Variants in OPRM1 observed in about 807,000 individuals in gnomAD.
OPRM1 encodes the protein mu-type opioid receptor.
Under a neutral mutation model 31.8 loss-of-function variants are expected in OPRM1, and 27 were observed. That is an observed-to-expected ratio of 0.85 (90% CI 0.63 to 1.17). OPRM1 has a LOEUF of 1.17. Among genes scored for constraint, OPRM1 ranks in the 50% most tolerant of loss-of-function variants. The pLI is 0.00. For missense variants in OPRM1, 536 were observed against 511.1 expected (o/e 1.05, Z -0.47); for synonymous variants, 196 against 189.9 (o/e 1.03, Z -0.26).
intron 3 of OPRM1, chr6:154,158,952 C>T (rs777722230): frequency 3.3e-4 from 50 of 151,972 alleles, no homozygotes; most frequent in Non-Finnish European, 4.7e-4. Context: ...AATTCAGATG[C>T]CAAAGTCGTC....
Position 154,132,187 on chromosome 6 carries a change from C to T in OPRM1, c.*13466C>T, listed in dbSNP as rs1168378209. Among the ~76,000 whole-genome samples the T allele has an allele frequency of 6.6e-6, 1 of 152,114 alleles. No homozygotes were observed. Among genetic ancestry groups the T allele is most frequent in the Non-Finnish European group, 1.5e-5 (1 of 68,036 alleles). Reference sequence around the variant, plus strand: ...AATTCACTAAATTATTTTTACATTACTCCTATTTGACTGTTTCAGATAGTT... The same window carrying T: ...AATTCACTAAATTATTTTTACATTATTCCTATTTGACTGTTTCAGATAGTT... On this transcript the variant is annotated 3_prime_UTR_variant, in exon 4 of 4. Coordinates refer to ENST00000330432, the MANE Select transcript of OPRM1 (RefSeq NM_000914.5).
chr6:154,209,457 C>T (rs1249088943), intron 3 of OPRM1, among the ~76,000 whole-genome samples: 9 of 151,910 alleles, frequency 5.9e-5, no homozygotes, highest in Non-Finnish European at 1.3e-4. Flanking sequence ...CACAGACCAA[C>T]CTAGAGAACA....
intron 3 of OPRM1, among the ~76,000 whole-genome samples, chr6:154,227,031 T>C (rs1207804171): frequency 6.6e-6 from 1 of 151,968 alleles, no homozygotes; most frequent in Non-Finnish European, 1.5e-5. Flanking sequence ...ACTCTATCTC[T>C]ACTAAAAATT....
At chr6:154,083,910 C>G (rs779938625) in intron 1 of OPRM1, among the ~76,000 whole-genome samples, 1 of 140,684 alleles carries the variant, frequency 7.1e-6, no homozygotes, top group African/African-American at 2.7e-5. Flanking sequence ...CGCCACTGCA[C>G]TCCAGCCTGG....
intron 1 of OPRM1, among the ~76,000 whole-genome samples, chr6:154,089,508 G>T: frequency 6.7e-6 from 1 of 149,526 alleles, no homozygotes; most frequent in East Asian, 2.0e-4. Context: ...GATCTCTTGA[G>T]TCCAGGAGGT....
chr6:154,072,957 TC>T (rs564699938), intron 1 of OPRM1, among the ~76,000 whole-genome samples: 159 of 152,266 alleles, frequency 1.0e-3, no homozygotes, highest in Non-Finnish European at 1.9e-3. Flanking sequence ...GGAAGCTGAA[TC>T]TCAAAGAAAG....
intron 3 of OPRM1, among the ~76,000 whole-genome samples, chr6:154,191,406 G>C (rs1043740918): frequency 6.6e-6 from 1 of 152,112 alleles, no homozygotes; most frequent in Non-Finnish European, 1.5e-5. Flanking sequence ...AGGCGCGGTG[G>C]CTCACGTCTG....
intron 3 of OPRM1, among the ~76,000 whole-genome samples, chr6:154,181,448 C>T (rs931351727): frequency 2.0e-5 from 3 of 152,158 alleles, no homozygotes; most frequent in African/African-American, 7.2e-5. Flanking sequence ...GTTGTGACTC[C>T]AAAGCTCGTT....
chr6:154,165,734 T>C (rs1028814610), intron 3 of OPRM1, among the ~76,000 whole-genome samples: 2 of 152,258 alleles, frequency 1.3e-5, no homozygotes, highest in African/African-American at 2.4e-5. Flanking sequence ...TTGCTTCTAC[T>C]GAATAGAATA....
At chr6:154,051,887 T>C (rs1255805822) in intron 1 of OPRM1, among the ~76,000 whole-genome samples, 3 of 152,326 alleles carry the variant, frequency 2.0e-5, no homozygotes, top group African/African-American at 7.2e-5. Flanking sequence ...CATATGTTTA[T>C]TGTAGCACTG....
At chr6:154,041,111 A>G (rs919729636) in intron 1 of OPRM1, among the ~76,000 whole-genome samples, 1 of 152,132 alleles carries the variant, frequency 6.6e-6, no homozygotes, top group African/African-American at 2.4e-5. Context: ...TCTCTCCAGT[A>G]TGCTTTCATT....
chr6:154,214,256 G>C (rs368673715), intron 3 of OPRM1: 2 of 1,610,568 alleles, frequency 1.2e-6, no homozygotes, highest in South Asian at 2.2e-5. Flanking sequence ...GATTACAGCC[G>C]ATCCAAGTTT....
intron 1 of OPRM1, among the ~76,000 whole-genome samples, chr6:154,026,892 G>C (rs1446119656): frequency 3.3e-5 from 5 of 151,986 alleles, no homozygotes; most frequent in Non-Finnish European, 7.4e-5. Context: ...CTCCAACATA[G>C]CTATTTTAAA....
At chr6:154,111,342 A>G (rs554796593) in intron 3 of OPRM1, among the ~76,000 whole-genome samples, 18 of 152,320 alleles carry the variant, frequency 1.2e-4, no homozygotes, top group African/African-American at 3.8e-4. Flanking sequence ...TTTCTGGCTC[A>G]AACTCTGATT....
chr6:154,099,052 A>G lies in OPRM1; in HGVS notation c.1164+7580A>G, dbSNP rs141414776. On this transcript the variant is annotated intron_variant, in intron 3 of 3. Transcript: ENST00000330432. ...CTCAGCATTTTGGGAGGCCGAGGCC[A>G]GTGAATTGCTTGAGCCCAGGAGTTC... 9.9e-3 allele frequency among the ~76,000 whole-genome samples: 1,505 copies of G among 152,176 alleles called. 22 individuals carry two copies. The highest frequency in any genetic ancestry group is 0.035 in the African/African-American group (1,448 of 41,524).
intron 3 of OPRM1, among the ~76,000 whole-genome samples, chr6:154,206,392 C>A (rs913211702): frequency 6.6e-6 from 1 of 152,086 alleles, no homozygotes; most frequent in African/African-American, 2.4e-5. Flanking sequence ...AAGAAATTTG[C>A]GGGGGTTGTG....
At chr6:154,052,699 G>A (rs1326521935) in intron 1 of OPRM1, among the ~76,000 whole-genome samples, 2 of 152,106 alleles carry the variant, frequency 1.3e-5, no homozygotes, top group Non-Finnish European at 2.9e-5. Context: ...TCTTGCAGTG[G>A]TCATGAAATA....
chr6:154,019,102 T>C (rs187141692), intron 1 of OPRM1, among the ~76,000 whole-genome samples: 1 of 151,612 alleles, frequency 6.6e-6, no homozygotes, highest in African/African-American at 2.4e-5. Flanking sequence ...ATTTTTGTGT[T>C]ACAAACAATC....
At chr6:154,232,778 C>A (rs1001769059) in intron 3 of OPRM1, among the ~76,000 whole-genome samples, 1 of 152,040 alleles carries the variant, frequency 6.6e-6, no homozygotes, top group African/African-American at 2.4e-5. Flanking sequence ...GAATAAGCAG[C>A]TATAACCAGC....
Sources: gnomAD v4.1 joint callset for allele counts (sites outside exome capture counted in the v4.1 genomes callset) on GRCh38, gnomAD v4.1.1 for gene constraint, MANE v1.5 for transcripts, NCBI Gene and HGNC (gene_info 2026-07-23, HGNC 2026-07-21) for gene names.